The following HSDL1 variants were observed in gnomAD, a reference collection of about 807,000 sequenced individuals.
HSDL1 encodes the protein hydroxysteroid dehydrogenase like 1.
A neutral mutation model predicts 31.5 loss-of-function variants in HSDL1; 29 were observed. The observed-to-expected ratio is 0.92, with a 90% confidence interval of 0.69 to 1.26. The LOEUF is 1.26. Among genes scored for constraint, HSDL1 ranks in the 50% most tolerant of loss-of-function variants. The pLI is 0.00. For synonymous variants in HSDL1, 222 were observed against 155.2 expected (o/e 1.43, Z -3.20); for missense variants, 503 against 416.6 (o/e 1.21, Z -1.81).
chr16:84,127,281 G>C (rs1247828201), intron 5 of HSDL1, among the ~76,000 whole-genome samples: 1 of 137,198 alleles, frequency 7.3e-6, no homozygotes, highest in African/African-American at 2.7e-5. Context: ...ACAGTGACGT[G>C]ATCAGCTCAC....
chr16:84,124,138 G>C lies in HSDL1; in HGVS notation c.*492C>G, dbSNP rs963073845. 1.3e-5 allele frequency: 2 copies of C among 153,920 alleles called. No homozygotes were observed. The highest frequency in any genetic ancestry group is 2.9e-5 in the Non-Finnish European group (2 of 69,166). 9.5% of individuals were successfully genotyped at this position (153,920 alleles called of 1,614,324 possible). ...CATTTTCATTACAGATAGTCAAACA[G>C]CTAGAGCTATACAATACACACAGAT... is the stretch of plus-strand genomic sequence containing the variant. On this transcript the variant is annotated 3_prime_UTR_variant, in exon 6 of 6. Coordinates refer to ENST00000219439, the MANE Select transcript of HSDL1 (RefSeq NM_031463.5).
At chr16:84,141,317 C>T (rs2086767498) in intron 1 of HSDL1, among the ~76,000 whole-genome samples, 1 of 151,654 alleles carries the variant, frequency 6.6e-6, no homozygotes, top group Non-Finnish European at 1.5e-5. Flanking sequence ...GGTTCAGATA[C>T]ACCACGATTC....
rs746888892 is a variant in HSDL1, at chr16:84,130,135, T to C, written c.517A>G (p.Ile173Val). Residue 173 changes from isoleucine to valine, a missense_variant, in exon 4 of 6, where the codon ATC becomes GTC. Physicochemically the swap from Ile to Val is conservative, Grantham distance 29 (BLOSUM62 3). Transcript: ENST00000219439. ...TQLSEDKLWD[I>V]INVNIAAASL... ...GCGGCGGCAATGTTCACATTTATGA[T>C]GTCCCAGAGCTTGTCCTCGGACAGC... 3 of 1,614,236 alleles carry C rather than the reference T, an allele frequency of 1.9e-6. No homozygotes were observed. Among genetic ancestry groups the C allele is most frequent in the South Asian group, 1.1e-5 (1 of 91,080 alleles).
intron 1 of HSDL1, among the ~76,000 whole-genome samples, chr16:84,141,048 G>A (rs1021208678): frequency 9.3e-5 from 14 of 149,940 alleles, no homozygotes; most frequent in Non-Finnish European, 4.4e-5. Context: ...CGGAGATCGC[G>A]CCACAGCACT....
intron 1 of HSDL1, among the ~76,000 whole-genome samples, chr16:84,144,830 G>A (rs2086827118): frequency 6.6e-6 from 1 of 150,536 alleles, no homozygotes; most frequent in Admixed American, 6.6e-5. Context: ...TCTGAGATGT[G>A]AAGGGGCGGG....
Position 84,124,823 on chromosome 16 carries a change from C to G in HSDL1, c.895-95G>C, listed in dbSNP as rs908323446. 7.0e-6 allele frequency: 5 copies of G among 716,252 alleles called. No homozygotes were observed. The African/African-American group carries it at 9.0e-5, about 13-fold the overall frequency. 44.4% of individuals were successfully genotyped at this position (716,252 alleles called of 1,614,324 possible). ...ACCAGCACATGAAACCCACCAATCA[C>G]AACAAATACCCACCAATCAATCACA... On this transcript the variant is annotated intron_variant, in intron 5 of 5. Coordinates refer to ENST00000219439, the MANE Select transcript of HSDL1 (RefSeq NM_031463.5).
rs1336126053 is a variant in HSDL1, at chr16:84,126,119, AC to A, written c.895-1392del. On this transcript the variant is annotated intron_variant, in intron 5 of 5. Coordinates refer to ENST00000219439, the MANE Select transcript of HSDL1 (RefSeq NM_031463.5). ...CTCTGTCTCAAAAAAAAAAAAAAAA[AC>A]ACCACAAAATCATTATAGGAATAAA... is the stretch of plus-strand genomic sequence containing the variant. Among the ~76,000 whole-genome samples, 8 of 149,510 alleles carry A rather than the reference AC, an allele frequency of 5.4e-5. No individual in the cohort carries two copies. In the East Asian group the frequency reaches 5.9e-4, roughly 11 times the overall value.
intron 1 of HSDL1, among the ~76,000 whole-genome samples, chr16:84,141,393 T>C (rs949310184): frequency 1.3e-5 from 2 of 151,500 alleles, no homozygotes; most frequent in Admixed American, 6.6e-5. Context: ...CTGGTTCAGA[T>C]ACACCACGAT....
rs909725684 is a variant in HSDL1 at position 84,123,280 on chromosome 16, A to G, written c.*1350T>C. 3.3e-5 allele frequency: 5 copies of G among 152,236 alleles called. No individual in the cohort carries two copies. The highest frequency in any genetic ancestry group is 2.6e-4 in the Admixed American group (4 of 15,286). The allele number at this position is 152,236 out of a possible 1,614,324, so 9.4% of individuals were successfully genotyped here. A position where few individuals can be genotyped will look rare whatever the true frequency, so the allele number is the denominator to read the frequency against. ...TTATGATAGATTATCACGTCACGAAAAAAATGCCACAGAAGTCCAGACTTT... is the reference window on the plus strand; with the variant it reads ...TTATGATAGATTATCACGTCACGAAGAAAATGCCACAGAAGTCCAGACTTT... On this transcript the variant is annotated 3_prime_UTR_variant, in exon 6 of 6. Coordinates refer to ENST00000219439, the MANE Select transcript of HSDL1 (RefSeq NM_031463.5).
chr16:84,125,106 C>G (rs2086592940), intron 5 of HSDL1: 1 of 175,280 alleles, frequency 5.7e-6, no homozygotes, highest in Non-Finnish European at 1.2e-5. Context: ...CAAATACCCA[C>G]CAATCACAAC....
chr16:84,124,584 C>T lies in HSDL1; in HGVS notation c.*46G>A, dbSNP rs542179602. ...TGTGTTTTTCCAAATGTCAGAATAT[C>T]GAGGTTCCCAGGAGTTGGCAAAACT... is the stretch of plus-strand genomic sequence containing the variant. On this transcript the variant is annotated 3_prime_UTR_variant, in exon 6 of 6. Transcript: ENST00000219439. 4 of 1,109,634 alleles carry T rather than the reference C, an allele frequency of 3.6e-6. No individual in the cohort carries two copies. Among genetic ancestry groups the T allele is most frequent in the South Asian group, 1.2e-5 (1 of 80,030 alleles). 68.7% of individuals were successfully genotyped at this position (1,109,634 alleles called of 1,614,324 possible).
At chr16:84,126,250 C>T (rs952688245) in intron 5 of HSDL1, among the ~76,000 whole-genome samples, 1 of 152,056 alleles carries the variant, frequency 6.6e-6, no homozygotes, top group Non-Finnish European at 1.5e-5. Flanking sequence ...GTCAGAAACA[C>T]CAGTACCTTG....
chr16:84,142,031 C>A (rs1597381560), intron 1 of HSDL1, among the ~76,000 whole-genome samples: 1 of 151,718 alleles, frequency 6.6e-6, no homozygotes. Context: ...GGGCTCAAGC[C>A]ATCCTCCCAC....
intron 5 of HSDL1, among the ~76,000 whole-genome samples, chr16:84,125,830 A>G (rs28507220): frequency 0.39 from 58,614 of 152,164 alleles, 11,301 homozygotes; most frequent in African/African-American, 0.41. Flanking sequence ...TCGGCTGGGC[A>G]CGCTGGCTCA....
intron 2 of HSDL1, among the ~76,000 whole-genome samples, chr16:84,131,972 T>C (rs1007646932): frequency 2.6e-5 from 4 of 152,206 alleles, no homozygotes; most frequent in Admixed American, 2.6e-4. Context: ...TGAGCCACCA[T>C]GCCTGGAGAT....
intron 1 of HSDL1, among the ~76,000 whole-genome samples, chr16:84,144,802 A>G (rs1199954644): frequency 1.8e-5 from 1 of 54,846 alleles, no homozygotes; most frequent in Non-Finnish European, 3.7e-5. Context: ...GTGAGGATGG[A>G]GCCGGGGGAA....
intron 2 of HSDL1, among the ~76,000 whole-genome samples, chr16:84,133,516 G>T (rs193148102): frequency 1.1e-3 from 164 of 152,310 alleles, no homozygotes; most frequent in African/African-American, 3.8e-3. Context: ...CAAGGCAGGT[G>T]GTCAGGAGTT....
intron 1 of HSDL1, among the ~76,000 whole-genome samples, chr16:84,138,620 T>A (rs977666684): frequency 9.2e-5 from 14 of 152,344 alleles, no homozygotes; most frequent in African/African-American, 3.4e-4. Flanking sequence ...TCGATGAAGT[T>A]GGAAAAATAT....
chr16:84,124,743 G>A lies in HSDL1; in HGVS notation c.895-15C>T. 1 of 1,589,356 alleles carries A rather than the reference G, an allele frequency of 6.3e-7. No homozygotes were observed. Among genetic ancestry groups the A allele is most frequent in the South Asian group, 1.1e-5 (1 of 90,378 alleles). The stretch of plus-strand genomic sequence containing the variant: ...GCAAAAAGAAACTAAAAATGAAAGA[G>A]AAAAAGGTTGTAAGGTTAGAACCCA... On this transcript the variant is annotated splice_polypyrimidine_tract_variant and intron_variant, in intron 5 of 5. Transcript: ENST00000219439.
Sources: gnomAD v4.1 joint callset for allele counts (sites outside exome capture counted in the v4.1 genomes callset) on GRCh38, gnomAD v4.1.1 for gene constraint, MANE v1.5 for transcripts, NCBI Gene and HGNC (gene_info 2026-07-23, HGNC 2026-07-21) for gene names.